Variants in MAPK8IP3 observed in about 807,000 individuals in gnomAD.
MAPK8IP3 encodes C-Jun-amino-terminal kinase-interacting protein 3.
Under a neutral mutation model 157.8 loss-of-function variants are expected in MAPK8IP3, and 49 were observed. The observed-to-expected ratio is 0.31, with a 90% CI of 0.25 to 0.39. MAPK8IP3 has a LOEUF of 0.39. Ranked by LOEUF, MAPK8IP3 falls within the 10% of genes least tolerant of loss-of-function variation. The probability of loss-of-function intolerance (pLI) is 1.00; values close to 1 mark genes in which losing one functional copy is unlikely to be tolerated. For missense variants in MAPK8IP3, 1,478 were observed against 1,889.4 expected (o/e 0.78, Z 4.04); for synonymous variants, 897 against 777.7 (o/e 1.15, Z -2.55).
At chr16:1,750,275 C>T (rs1204285201) in intron 8 of MAPK8IP3, among the ~76,000 whole-genome samples, 2 of 152,146 alleles carry the variant, frequency 1.3e-5, no homozygotes, top group Non-Finnish European at 2.9e-5. Context: ...TGCAGTGGCG[C>T]CATCTTGGCT....
rs1322939931 is a variant in MAPK8IP3 at position 1,742,052 on chromosome 16, C to T, written c.603-1280C>T. Reference sequence around the variant, plus strand: ...CCTGAGGAAGCTCCCTTCCCTCCTACAGTCTCAGGGCTGAGATGTAAGCAG... The same window carrying T: ...CCTGAGGAAGCTCCCTTCCCTCCTATAGTCTCAGGGCTGAGATGTAAGCAG... On this transcript the variant is annotated intron_variant, in intron 4 of 31. Coordinates refer to ENST00000610761, the MANE Select transcript of MAPK8IP3 (RefSeq NM_001318852.2). This position sits in a 1 kb window ranked among gnomAD's most constrained non-coding sequence, Gnocchi z 5.0. 6.6e-6 allele frequency among the ~76,000 whole-genome samples: 1 copy of T among 152,146 alleles called. No homozygotes were observed. Among genetic ancestry groups the T allele is most frequent in the Non-Finnish European group, 1.5e-5 (1 of 68,022 alleles).
Position 1,708,690 on chromosome 16 carries a change from C to T in MAPK8IP3, c.318+2033C>T, listed in dbSNP as rs567759228. On this transcript the variant is annotated intron_variant, in intron 1 of 31. Coordinates refer to ENST00000610761, the MANE Select transcript of MAPK8IP3 (RefSeq NM_001318852.2). ...CTATCACCTTTAGTCTGAGACCCAC[C>T]ATTGCCCCAGCGCTTTAGAGAAGCT... 1.1e-4 allele frequency among the ~76,000 whole-genome samples: 16 copies of T among 152,230 alleles called. 1 individual carries two copies. In the South Asian group the frequency reaches 2.7e-3, roughly 26 times the overall value.
intron 8 of MAPK8IP3, among the ~76,000 whole-genome samples, chr16:1,754,992 T>C (rs1349070629): frequency 6.6e-6 from 1 of 152,144 alleles, no homozygotes; most frequent in Non-Finnish European, 1.5e-5. Flanking sequence ...ACATGCTTGT[T>C]GGAGATTTTT....
At chr16:1,761,660 CCACCATT>C (rs141160904) in intron 13 of MAPK8IP3, among the ~76,000 whole-genome samples, 30,640 of 128,466 alleles carry the variant, frequency 0.24, 5,367 homozygotes, top group African/African-American at 0.4. Flanking sequence ...GGCGGGGCGG[CCACCATT>C]CACCATTCAC....
Position 1,768,834 on chromosome 16 carries a change from C to A in MAPK8IP3, c.*10C>A. ...CTACACCCCCGAGTGAAGCTGCTGC[C>A]CTGCCTGGCCCGACCTGTACATAGG... On this transcript the variant is annotated 3_prime_UTR_variant, in exon 32 of 32. Coordinates refer to ENST00000610761, the MANE Select transcript of MAPK8IP3 (RefSeq NM_001318852.2). The A allele has an allele frequency of 1.2e-6, 2 of 1,611,376 alleles. No individual in the cohort carries two copies. Among genetic ancestry groups the A allele is most frequent in the Non-Finnish European group, 1.7e-6 (2 of 1,179,622 alleles).
At chr16:1,716,106 C>A (rs2038131020) in intron 1 of MAPK8IP3, among the ~76,000 whole-genome samples, 1 of 152,164 alleles carries the variant, frequency 6.6e-6, no homozygotes, top group Non-Finnish European at 1.5e-5. Flanking sequence ...CTGTTGATCG[C>A]CCTGTGAAAG....
intron 2 of MAPK8IP3, among the ~76,000 whole-genome samples, chr16:1,727,243 G>A (rs1338845815): frequency 2.1e-5 from 3 of 144,076 alleles, no homozygotes; most frequent in Non-Finnish European, 4.5e-5. Flanking sequence ...CTATGTGCGG[G>A]TCTGTGTGAC....
rs372872191 is a variant in MAPK8IP3 at position 1,723,015 on chromosome 16, G to GTTTGTT, written c.319-1514_319-1509dup. ...CGTGCCTGGCCAATTTTTTTTGTTTGTTTGTTTTTGTTTTTGTTTTTGTTT... is the reference window on the plus strand; with the variant it reads ...CGTGCCTGGCCAATTTTTTTTGTTTGTTTGTTTTTGTTTTTGTTTTTGTTTTTGTTT... On this transcript the variant is annotated intron_variant, in intron 1 of 31. Coordinates refer to ENST00000610761, the MANE Select transcript of MAPK8IP3 (RefSeq NM_001318852.2). Among the ~76,000 whole-genome samples the GTTTGTT allele has an allele frequency of 9.8e-3, 1,471 of 150,826 alleles. 12 individuals carry two copies. Among genetic ancestry groups the GTTTGTT allele is most frequent in the African/African-American group, 0.018 (748 of 40,952 alleles).
At position 1,760,468 on chromosome 16, in the gene MAPK8IP3, G is replaced by A. The variant is rs758192427; in HGVS notation, c.1393G>A (p.Ala465Thr). 29 of 1,613,994 alleles carry A rather than the reference G, an allele frequency of 1.8e-5. 2 individuals are homozygous for A. The Middle Eastern group carries it at 4.0e-3, about 221-fold the overall frequency. ...GGAGGTGCTGAGGGGCGAGTTGGAG[G>A]CTGCTAAGCAGGCCAAAGTCAAGCT... is the stretch of plus-strand genomic sequence containing the variant. Reference protein sequence around the residue: ...EQEVLRGELEAAKQAKVKLEN... With the variant: ...EQEVLRGELETAKQAKVKLEN... Residue 465 changes from alanine (A) to threonine (T), a missense_variant, in exon 12 of 32, where the codon GCT (alanine) becomes ACT (threonine). Transcript: ENST00000610761.
In MAPK8IP3 at chr16:1,708,619, G is replaced by T. The variant is rs143120550; in HGVS notation, c.318+1962G>T. 1.8e-3 allele frequency among the ~76,000 whole-genome samples: 273 copies of T among 152,292 alleles called. 4 individuals carry two copies. The highest frequency in any genetic ancestry group is 2.4e-3 in the African/African-American group (99 of 41,568). ...TGTGAGTGCATCTGCCCTCCCCCAG[G>T]GCTCCTGCTGAACCAAGCTGGCGGG... is the stretch of plus-strand genomic sequence containing the variant. On this transcript the variant is annotated intron_variant, in intron 1 of 31. Coordinates refer to ENST00000610761, the MANE Select transcript of MAPK8IP3 (RefSeq NM_001318852.2).
chr16:1,746,923 G>C, intron 5 of MAPK8IP3, 106 bp from the exon 6 acceptor site: 2 of 1,379,504 alleles, frequency 1.4e-6, no homozygotes, highest in South Asian at 1.4e-5. Flanking sequence ...GTCGGGCGAG[G>C]CAAAGTGCAA....
intron 1 of MAPK8IP3, among the ~76,000 whole-genome samples, chr16:1,712,915 G>A (rs951630862): frequency 1.3e-5 from 2 of 152,348 alleles, no homozygotes; most frequent in African/African-American, 2.4e-5. Context: ...CCCGGCTTCC[G>A]CAAGTTAAGC....
At chr16:1,745,065 A>C in intron 5 of MAPK8IP3, 2 of 985,414 alleles carry the variant, frequency 2.0e-6, no homozygotes, top group Non-Finnish European at 2.4e-6. Flanking sequence ...GGTCACTGCT[A>C]CACGTTGATG....
intron 8 of MAPK8IP3, chr16:1,748,982 G>A (rs1596712883): frequency 1.2e-5 from 7 of 592,418 alleles, no homozygotes; most frequent in Admixed American, 8.4e-5. Context: ...GCACCCTCCC[G>A]TGTACTCTAA....
rs149493466 is a variant in MAPK8IP3, at chr16:1,727,936, G to A, written c.440-1202G>A. 4.6e-4 allele frequency among the ~76,000 whole-genome samples: 70 copies of A among 152,356 alleles called. 1 individual carries two copies. Among genetic ancestry groups the A allele is most frequent in the African/African-American group, 1.6e-3 (65 of 41,584 alleles). On this transcript the variant is annotated intron_variant, in intron 2 of 31. Transcript: ENST00000610761. ...CACCAGAAAGCTGGGGAGGATGGGA[G>A]GGCACCACGCCGAGGACAGGGCACA...
Position 1,741,676 on chromosome 16 carries a change from C to T in MAPK8IP3, c.603-1656C>T, listed in dbSNP as rs983551925. 6.6e-6 allele frequency among the ~76,000 whole-genome samples: 1 copy of T among 152,096 alleles called. No individual in the cohort carries two copies. Among genetic ancestry groups the T allele is most frequent in the African/African-American group, 2.4e-5 (1 of 41,410 alleles). The stretch of plus-strand genomic sequence containing the variant: ...ACAGGGCGGTTGAAGCCCAGCCTCC[C>T]ACTGGGGTCATGCTCCCTGGGCCTG... On this transcript the variant is annotated intron_variant, in intron 4 of 31. Coordinates refer to ENST00000610761, the MANE Select transcript of MAPK8IP3 (RefSeq NM_001318852.2). The surrounding 1 kb of genome is among the most constrained non-coding windows in gnomAD (Gnocchi z 6.9).
intron 11 of MAPK8IP3, 71 bp from the exon 12 acceptor site, chr16:1,760,308 GC>G (rs2041861408): frequency 1.0e-5 from 16 of 1,535,914 alleles, no homozygotes; most frequent in Non-Finnish European, 1.4e-5. Context: ...AAGTGCAGGC[GC>G]CCCTGGCAAG....
rs1033100174 is a variant in MAPK8IP3, at chr16:1,768,732, G to A, written c.3922G>A (p.Gly1308Ser). The A allele has an allele frequency of 1.4e-5, 22 of 1,612,776 alleles. No individual in the cohort carries two copies. Among genetic ancestry groups the A allele is most frequent in the Non-Finnish European group, 1.9e-5 (22 of 1,179,852 alleles). The change falls in exon 32 of 32, where the codon GGC (glycine) becomes AGC (serine). Residue 1308 changes from glycine to serine, a missense_variant. Gly to Ser is a moderately conservative substitution (Grantham distance 56, BLOSUM62 0). Around this residue, in one of 11 missense-constraint regions of MAPK8IP3, gnomAD observed 133 missense variants for 133.4 expected, o/e 1.00. Transcript: ENST00000610761. ...GDGEDDETEEGAGDMSQVKPV... is the reference protein window; with the variant it reads ...GDGEDDETEESAGDMSQVKPV... ...CGGAGAGGACGACGAGACGGAGGAG[G>A]GCGCAGGGGACATGAGCCAGGTGAA...
At chr16:1,712,132 G>C (rs2037831508) in intron 1 of MAPK8IP3, among the ~76,000 whole-genome samples, 2 of 140,600 alleles carry the variant, frequency 1.4e-5, no homozygotes, top group African/African-American at 5.4e-5. Context: ...CGCAATCTCG[G>C]CTCACTGCAA....
Sources: gnomAD v4.1 joint callset for allele counts (sites outside exome capture counted in the v4.1 genomes callset) on GRCh38, gnomAD v4.1.1 for gene constraint, gnomAD v4.1.1 regional missense constraint, Gnocchi (gnomAD v3.1) non-coding constraint, MANE v1.5 for transcripts, NCBI Gene and HGNC (gene_info 2026-07-23, HGNC 2026-07-21) for gene names.